TLE1: variants seen among roughly 807,000 people sequenced by gnomAD.
The protein encoded by TLE1 is transducin-like enhancer protein 1.
Under a neutral mutation model 89.8 loss-of-function variants are expected in TLE1, and 21 were observed. That is an observed-to-expected ratio of 0.23 (90% confidence interval 0.17 to 0.34). The LOEUF (loss-of-function observed/expected upper bound fraction) is 0.34. Ranked by LOEUF, TLE1 falls within the 10% of genes least tolerant of loss-of-function variation. TLE1 has a pLI of 1.00. For missense variants in TLE1, 795 were observed against 1,031.2 expected (o/e 0.77, Z 3.14); for synonymous variants, 447 against 407.6 (o/e 1.10, Z -1.16).
intron 10 of TLE1, among the ~76,000 whole-genome samples, chr9:81,616,357 C>T (rs1344440975): frequency 6.6e-6 from 1 of 151,790 alleles, no homozygotes; most frequent in Admixed American, 6.6e-5. Flanking sequence ...CCTCTTTGTG[C>T]CTCATGCTTA....
chr9:81,685,581 C>T, intron 4 of TLE1, 95 bp downstream of exon 4: 1 of 1,281,878 alleles, frequency 7.8e-7, no homozygotes, highest in Non-Finnish European at 1.1e-6. Context: ...CATACAAACC[C>T]CCACCCCTAG....
chr9:81,687,394 A>G lies in TLE1; in HGVS notation c.65T>C (p.Ile22Thr). The change falls in exon 2 of 20, where the codon ATC becomes ACC. Residue 22 changes from isoleucine (I) to threonine (T), a missense_variant. Transcript: ENST00000376499. ...TTTAATCCGGTCCAGGGACTCCGGG[A>G]TAGTGAACTTGAAGGGCTGGCCTGC... ...QAAGQPFKFTIPESLDRIKEE... is the reference protein window; with the variant it reads ...QAAGQPFKFTTPESLDRIKEE... 6.2e-7 allele frequency: 1 copy of G among 1,611,490 alleles called. No homozygotes were observed. Among genetic ancestry groups the G allele is most frequent in the Non-Finnish European group, 8.5e-7 (1 of 1,179,514 alleles).
intron 6 of TLE1, among the ~76,000 whole-genome samples, chr9:81,648,117 CA>C (rs1355118087): frequency 6.6e-6 from 1 of 151,670 alleles, no homozygotes; most frequent in Non-Finnish European, 1.5e-5. Flanking sequence ...ACTAAAAATA[CA>C]AAAATTAGCT....
intron 6 of TLE1, 27 bp from the exon 7 acceptor site, chr9:81,634,328 AAAG>A: frequency 4.1e-6 from 6 of 1,461,850 alleles, no homozygotes; most frequent in Non-Finnish European, 3.7e-6. Context: ...TGAGAGAGAA[AAAG>A]GAGGAGGAGG....
At chr9:81,629,524 T>C (rs934514467) in intron 8 of TLE1, among the ~76,000 whole-genome samples, 9 of 152,172 alleles carry the variant, frequency 5.9e-5, no homozygotes, top group South Asian at 4.1e-4. Context: ...AATAAGAAAC[T>C]TTAAAGCAGT....
At chr9:81,614,788 T>C (rs1203461980) in intron 11 of TLE1, among the ~76,000 whole-genome samples, 1 of 152,038 alleles carries the variant, frequency 6.6e-6, no homozygotes, top group African/African-American at 2.4e-5. Flanking sequence ...CCTTTGTGCA[T>C]CACTGATCTG....
In TLE1 at chr9:81,634,069, TCCTAATCTGGCTTGCCCGG is replaced by T. The variant is rs1445311788; in HGVS notation, c.577+9_577+27del. On this transcript the variant is annotated intron_variant, in intron 7 of 19. Coordinates refer to ENST00000376499, the MANE Select transcript of TLE1 (RefSeq NM_005077.5). Reference sequence around the variant, plus strand: ...GCACTGTAAGAGTATGAGGACAAAGTCCTAATCTGGCTTGCCCGGCCTCTCACCTCTGTGGTGCTCTGCA... The same window carrying T: ...GCACTGTAAGAGTATGAGGACAAAGTCCTCTCACCTCTGTGGTGCTCTGCA... 6.3e-7 allele frequency: 1 copy of T among 1,589,236 alleles called. No individual in the cohort carries two copies. The highest frequency in any genetic ancestry group is 8.6e-7 in the Non-Finnish European group (1 of 1,165,648).
chr9:81,672,322 A>AATTATTATTATTATTATT (rs534539630), intron 4 of TLE1, among the ~76,000 whole-genome samples: 6 of 150,358 alleles, frequency 4.0e-5, no homozygotes, highest in African/African-American at 1.5e-4. Flanking sequence ...CCCTGCAATA[A>AATTATTATTATTATTATT]ATTATTATTA....
At chr9:81,667,385 C>CAAA (rs397893862) in intron 4 of TLE1, among the ~76,000 whole-genome samples, 5 of 89,816 alleles carry the variant, frequency 5.6e-5, no homozygotes, top group Admixed American at 1.2e-4. Flanking sequence ...CAGACTGTCT[C>CAAA]AAAAAAAAAA....
At chr9:81,662,705 A>T (rs1228241515) in intron 4 of TLE1, among the ~76,000 whole-genome samples, 1 of 151,976 alleles carries the variant, frequency 6.6e-6, no homozygotes, top group Non-Finnish European at 1.5e-5. Flanking sequence ...TATCAAAAAA[A>T]AAAAATTAGC....
intron 4 of TLE1, among the ~76,000 whole-genome samples, chr9:81,660,474 C>T (rs920211358): frequency 3.3e-5 from 5 of 151,888 alleles, no homozygotes; most frequent in Admixed American, 1.3e-4. Flanking sequence ...AGAGCAGTGG[C>T]GCGATCTCGG....
At chr9:81,679,886 A>T (rs1318939502) in intron 4 of TLE1, among the ~76,000 whole-genome samples, 1 of 152,214 alleles carries the variant, frequency 6.6e-6, no homozygotes, top group African/African-American at 2.4e-5. Context: ...ATAAAACAGC[A>T]AAGACTCAGA....
chr9:81,622,653 A>T (rs1825418272), intron 8 of TLE1, among the ~76,000 whole-genome samples: 1 of 152,216 alleles, frequency 6.6e-6, no homozygotes, highest in Admixed American at 6.5e-5. Context: ...GAAGCTTATA[A>T]TCTGAATAGG....
intron 14 of TLE1, among the ~76,000 whole-genome samples, chr9:81,595,481 T>C (rs943655561): frequency 4.6e-5 from 7 of 152,040 alleles, no homozygotes; most frequent in African/African-American, 1.7e-4. Context: ...AACAAAAAAA[T>C]TGCCAGGTGA....
intron 6 of TLE1, among the ~76,000 whole-genome samples, chr9:81,638,069 A>G (rs1186613866): frequency 6.6e-6 from 1 of 152,336 alleles, no homozygotes; most frequent in African/African-American, 2.4e-5. Flanking sequence ...CATTTCCCCC[A>G]CTGCTCAGCT....
intron 6 of TLE1, among the ~76,000 whole-genome samples, chr9:81,651,175 C>T (rs190637620): frequency 1.3e-5 from 2 of 152,300 alleles, no homozygotes; most frequent in East Asian, 1.9e-4. Flanking sequence ...ACCAGCAGGG[C>T]ATCATCTCAC....
At chr9:81,637,337 G>T (rs927766082) in intron 6 of TLE1, among the ~76,000 whole-genome samples, 3 of 152,290 alleles carry the variant, frequency 2.0e-5, no homozygotes, top group African/African-American at 7.2e-5. Context: ...CAGCCTGGGT[G>T]ACAAGAGTGA....
intron 8 of TLE1, among the ~76,000 whole-genome samples, chr9:81,627,068 C>T (rs1302458717): frequency 1.3e-5 from 2 of 152,048 alleles, no homozygotes; most frequent in Non-Finnish European, 2.9e-5. Context: ...CAAGAAATGG[C>T]CCTGAAACTA....
chr9:81,658,358 T>C (rs1166897606), intron 4 of TLE1, among the ~76,000 whole-genome samples: 2 of 152,136 alleles, frequency 1.3e-5, no homozygotes, highest in African/African-American at 2.4e-5. Flanking sequence ...GGAGAAAAGT[T>C]AGAAATCAAA....
Sources: gnomAD v4.1 joint callset for allele counts (sites outside exome capture counted in the v4.1 genomes callset) on GRCh38, gnomAD v4.1.1 for gene constraint, MANE v1.5 for transcripts, NCBI Gene and HGNC (gene_info 2026-07-23, HGNC 2026-07-21) for gene names.